The following IL9R variants were observed in gnomAD, a reference collection of about 807,000 sequenced individuals.
IL9R encodes interleukin 9 receptor.
A neutral mutation model predicts 56.3 loss-of-function variants in IL9R; 54 were observed. The ratio of observed to expected loss-of-function variants is 0.96; its 90% CI spans 0.77 to 1.20. The LOEUF (loss-of-function observed/expected upper bound fraction) is 1.20. Among genes scored for constraint, IL9R ranks in the 50% most tolerant of loss-of-function variants. The probability of loss-of-function intolerance (pLI) is 0.00; values close to 1 mark genes in which losing one functional copy is unlikely to be tolerated. For missense variants in IL9R, 545 were observed against 629.8 expected, an observed-to-expected ratio of 0.87 and a Z score of 1.44; for synonymous variants, 212 against 250.2, an observed-to-expected ratio of 0.85 and a Z score of 1.44.
chrX:156,008,869 C>CTG (rs1283159353), intron 8 of IL9R, among the ~76,000 whole-genome samples: 18,783 of 143,682 alleles, frequency 0.13, 124 homozygotes, highest in South Asian at 0.23. Flanking sequence ...GTGTGTGTGT[C>CTG]TGTGTGTGTG....
At chrX:156,009,097 CTG>C (rs1222014446) in intron 8 of IL9R, among the ~76,000 whole-genome samples, 1,769 of 85,950 alleles carry the variant, frequency 0.021, 10 homozygotes, top group African/African-American at 0.067. Flanking sequence ...GTGTGTGTGT[CTG>C]TGTGTGTGTT....
intron 5 of IL9R, among the ~76,000 whole-genome samples, chrX:156,004,785 A>G (rs944852644): frequency 6.6e-6 from 1 of 152,120 alleles, no homozygotes; most frequent in Admixed American, 6.5e-5. Flanking sequence ...GTGTGTGCAC[A>G]TAAGTGTGGT....
At chrX:155,998,820 G>A (rs923850884) in intron 1 of IL9R, among the ~76,000 whole-genome samples, 23 of 152,154 alleles carry the variant, frequency 1.5e-4, no homozygotes, top group African/African-American at 4.3e-4. Flanking sequence ...TAGGGACAAC[G>A]CACAGTGATG....
chrX:156,003,951 C>T (rs1233425683), intron 4 of IL9R, 96 bp downstream of exon 4: 45 of 1,280,018 alleles, frequency 3.5e-5, no homozygotes, highest in Non-Finnish European at 4.8e-5. Flanking sequence ...TGTGAGTGGC[C>T]CAGTGAGTGT....
rs779966213 is a variant in IL9R at position 156,010,120 on chromosome X, C to G, written c.1277C>G (p.Ser426Ter). 3.2e-6 allele frequency: 5 copies of G among 1,583,924 alleles called. No individual in the cohort carries two copies. In the Admixed American group the frequency reaches 6.9e-5, roughly 22 times the overall value. The change falls in exon 9 of 9, where the codon TCA (serine) becomes TGA (stop). Residue 426 changes from serine to a stop codon, truncating the protein, a stop_gained. Transcript: ENST00000244174. LOFTEE classifies it high-confidence loss of function. ...TSLTRPAPPDSEGSRSSSSSS... is the reference protein window; with the variant it reads ...TSLTRPAPPD Reference sequence around the variant, plus strand: ...CTGACTAGGCCGGCTCCCCCAGACTCAGAGGGCAGCAGGAGCAGCAGCAGC... The same window carrying G: ...CTGACTAGGCCGGCTCCCCCAGACTGAGAGGGCAGCAGGAGCAGCAGCAGC...
intron 4 of IL9R, chrX:156,004,118 G>C (rs1178154096): frequency 1.7e-6 from 1 of 601,336 alleles, no homozygotes; most frequent in East Asian, 2.8e-5. Flanking sequence ...CATGTGAAAT[G>C]CACTTCAGTC....
chrX:156,003,325 G>A, intron 2 of IL9R, 124 bp from the exon 3 acceptor site: 2 of 750,612 alleles, frequency 2.7e-6, no homozygotes, highest in South Asian at 3.2e-5. Context: ...TCCCTGGACA[G>A]ATTCTGGGAT....
chrX:156,009,045 TTGTGTCTGTGTGTGTTTGTGTG>T (rs1213315482), intron 8 of IL9R, among the ~76,000 whole-genome samples: 46 of 133,272 alleles, frequency 3.5e-4, no homozygotes, highest in South Asian at 1.4e-3. Context: ...CTGTGTGTGT[TTGTGTCTGTGTGTGTTTGTGTG>T]TGTGTCTGTG....
At chrX:156,008,858 CGTGT>C (rs1165051522) in intron 8 of IL9R, among the ~76,000 whole-genome samples, 6 of 149,568 alleles carry the variant, frequency 4.0e-5, no homozygotes, top group East Asian at 2.0e-4. Context: ...GACAGCGATT[CGTGT>C]GTGTGTCTGT....
rs2055569531 is a variant in IL9R at position 155,997,855 on chromosome X, T to C, written c.28+68T>C. ...GAAATTCAGAAGGCAGAGAGGGACA[T>C]GTGGCCCTCCAACTCGGGGCCCAGG... is the stretch of plus-strand genomic sequence containing the variant. On this transcript the variant is annotated intron_variant, in intron 1 of 8. Transcript: ENST00000244174. 4 of 1,445,034 alleles carry C rather than the reference T, an allele frequency of 2.8e-6. No individual in the cohort carries two copies. The African/African-American group carries it at 4.2e-5, about 15-fold the overall frequency. 89.5% of individuals were successfully genotyped at this position (1,445,034 alleles called of 1,614,324 possible). A position where few individuals can be genotyped will look rare whatever the true frequency, so the allele number is the denominator to read the frequency against.
intron 5 of IL9R, among the ~76,000 whole-genome samples, 186 bp from the exon 6 acceptor site, chrX:156,005,092 G>A (rs182023418): frequency 2.0e-4 from 30 of 152,264 alleles, no homozygotes; most frequent in African/African-American, 7.2e-4. Context: ...AAACGCAGCT[G>A]TGTCTGTGAG....
intron 1 of IL9R, among the ~76,000 whole-genome samples, chrX:156,001,040 G>T (rs1285064180): frequency 6.6e-6 from 1 of 152,056 alleles, no homozygotes; most frequent in East Asian, 1.9e-4. Context: ...CCCTCAGATG[G>T]CCATACCCCC....
chrX:156,007,429 G>C (rs368569162), intron 7 of IL9R, 94 bp from the exon 8 acceptor site: 2 of 831,584 alleles, frequency 2.4e-6, no homozygotes, highest in African/African-American at 3.4e-5. Context: ...CGAGGTGGGC[G>C]GACCTCCTGC....
rs3093480 is a variant in IL9R at position 156,001,059 on chromosome X, G to A, written c.29-1847G>A. On this transcript the variant is annotated intron_variant, in intron 1 of 8. Transcript: ENST00000244174. Reference sequence around the variant, plus strand: ...CAGATGGCCATACCCCCTTGTCGCTGTACCCAACTCTCCGGTCCTACTTTG... The same window carrying A: ...CAGATGGCCATACCCCCTTGTCGCTATACCCAACTCTCCGGTCCTACTTTG... Among the ~76,000 whole-genome samples the A allele has an allele frequency of 5.6e-3, 856 of 152,216 alleles. 9 individuals are homozygous for A. Among genetic ancestry groups the A allele is most frequent in the African/African-American group, 0.02 (824 of 41,534 alleles).
intron 1 of IL9R, among the ~76,000 whole-genome samples, chrX:156,001,732 G>C (rs763354004): frequency 1.3e-5 from 2 of 152,190 alleles, no homozygotes; most frequent in African/African-American, 2.4e-5. Flanking sequence ...AGGGGCTATC[G>C]GTGTACCATC....
chrX:155,999,969 T>C (rs2067401142), intron 1 of IL9R, among the ~76,000 whole-genome samples: 1 of 151,672 alleles, frequency 6.6e-6, no homozygotes, highest in Non-Finnish European at 1.5e-5. Flanking sequence ...CTACTAAAAA[T>C]ACAAAAATTA....
intron 6 of IL9R, 122 bp downstream of exon 6, chrX:156,005,601 T>C (rs901690626): frequency 6.0e-5 from 47 of 788,270 alleles, no homozygotes; most frequent in African/African-American, 3.1e-4. Flanking sequence ...CAGCCATGCC[T>C]CAGTTGACCC....
chrX:156,009,355 GTGTGTGTGTC>G (rs2068320596), intron 8 of IL9R, among the ~76,000 whole-genome samples: 6 of 148,508 alleles, frequency 4.0e-5, no homozygotes, highest in Admixed American at 2.7e-4. Context: ...TGTGTCTCGT[GTGTGTGTGTC>G]TGTGTGTATC....
intron 8 of IL9R, among the ~76,000 whole-genome samples, chrX:156,009,332 GTGTT>G (rs1466970172): frequency 7.0e-6 from 1 of 143,688 alleles, no homozygotes; most frequent in East Asian, 2.1e-4. Context: ...ATGTCTGTGT[GTGTT>G]TGTGTGTGTG....
Sources: gnomAD v4.1 joint callset for allele counts (sites outside exome capture counted in the v4.1 genomes callset) on GRCh38, gnomAD v4.1.1 for gene constraint, MANE v1.5 for transcripts, NCBI Gene and HGNC (gene_info 2026-07-23, HGNC 2026-07-21) for gene names.